MB: variants seen among roughly 807,000 people sequenced by gnomAD.
MB encodes the protein nitrite reductase MB.
In MB, 10 loss-of-function variants were observed where a neutral mutation model predicts 14.5. That is an observed-to-expected ratio of 0.69 (90% CI 0.43 to 1.17). The LOEUF is 1.17. MB is among the 50% of genes most tolerant of loss of function. The probability of loss-of-function intolerance (pLI) is 0.00; values close to 1 mark genes in which losing one functional copy is unlikely to be tolerated. For missense variants in MB, 169 were observed against 192.7 expected, an observed-to-expected ratio of 0.88 and a Z score of 0.73; for synonymous variants, 89 against 78.6, an observed-to-expected ratio of 1.13 and a Z score of -0.70.
chr22:35,618,651 C>T (rs1038057465), upstream of MB, among the ~76,000 whole-genome samples: 1 of 152,008 alleles, frequency 6.6e-6, no homozygotes, highest in Non-Finnish European at 1.5e-5. Context: ...TTCATCTATT[C>T]ATCTATCCAT....
chr22:35,614,097 C>T (rs1906338555), intron 1 of MB, among the ~76,000 whole-genome samples: 1 of 152,190 alleles, frequency 6.6e-6, no homozygotes, highest in African/African-American at 2.4e-5. Context: ...GACAGATCTT[C>T]AGTCCAAGTC....
In MB at chr22:35,613,978, C is replaced by T. The variant is rs954479425; in HGVS notation, c.96-2872G>A. 3.3e-5 allele frequency among the ~76,000 whole-genome samples: 5 copies of T among 152,232 alleles called. No homozygotes were observed. In the East Asian group the frequency reaches 9.6e-4, roughly 29 times the overall value. On this transcript the variant is annotated intron_variant, in intron 1 of 2. Transcript: ENST00000397326. ...GATCCGGAAAATGAACAGATGAAAG[C>T]CCCTCAGCCTGTGGAAATGGACGGA... is the stretch of plus-strand genomic sequence containing the variant.
chr22:35,613,256 G>A (rs1922789096), intron 1 of MB, among the ~76,000 whole-genome samples: 1 of 152,204 alleles, frequency 6.6e-6, no homozygotes, highest in South Asian at 2.1e-4. Flanking sequence ...AGGCAGCTGG[G>A]GGTCTCAGAC....
At chr22:35,615,197 A>G (rs186670197) in intron 1 of MB, among the ~76,000 whole-genome samples, 1 of 152,336 alleles carries the variant, frequency 6.6e-6, no homozygotes, top group East Asian at 1.9e-4. Flanking sequence ...CAGAGTCAGT[A>G]TCTAGAACAA....
At chr22:35,617,112 C>A (rs1367351796) in intron 1 of MB, 51 bp downstream of exon 1, 1 of 1,450,742 alleles carries the variant, frequency 6.9e-7, no homozygotes, top group Non-Finnish European at 9.7e-7. Context: ...AGCTGAACAC[C>A]CTTGATCTTA....
chr22:35,616,422 A>G (rs1923081792), intron 1 of MB, among the ~76,000 whole-genome samples: 1 of 152,216 alleles, frequency 6.6e-6, no homozygotes, highest in African/African-American at 2.4e-5. Context: ...AACTAGAGAC[A>G]TACTCAACAT....
intron 2 of MB, 148 bp from the exon 3 acceptor site, chr22:35,607,591 C>T: frequency 1.5e-6 from 1 of 683,064 alleles, no homozygotes; most frequent in Non-Finnish European, 2.5e-6. Context: ...GTGTGATCTC[C>T]ACGGATGAAC....
chr22:35,621,647 A>C (rs996141945), upstream of MB, among the ~76,000 whole-genome samples: 2 of 152,250 alleles, frequency 1.3e-5, no homozygotes, highest in Admixed American at 6.5e-5. Flanking sequence ...TAAAGCTTTA[A>C]AAATCCTTTT....
At chr22:35,619,995 C>T (rs1415615247), upstream of MB, among the ~76,000 whole-genome samples, 2 of 152,224 alleles carry the variant, frequency 1.3e-5, no homozygotes, top group African/African-American at 4.8e-5. Flanking sequence ...CCTCCAAAGG[C>T]CCATCTCTTT....
At chr22:35,614,154 A>G (rs949364560) in intron 1 of MB, among the ~76,000 whole-genome samples, 4 of 152,224 alleles carry the variant, frequency 2.6e-5, no homozygotes, top group Non-Finnish European at 5.9e-5. Flanking sequence ...ACTGAGGCCC[A>G]ATTGGACACT....
chr22:35,607,242 C>G lies in MB; in HGVS notation c.*55G>C, dbSNP rs899146546. On this transcript the variant is annotated 3_prime_UTR_variant, in exon 3 of 3. Coordinates refer to ENST00000397326, the MANE Select transcript of MB (RefSeq NM_005368.3). Reference sequence around the variant, plus strand: ...TCTATATGGCTACACGAGATCAGACCCCGCTCTCTCTTGAACCCGGGGCCC... The same window carrying G: ...TCTATATGGCTACACGAGATCAGACGCCGCTCTCTCTTGAACCCGGGGCCC... 3.7e-5 allele frequency: 58 copies of G among 1,569,010 alleles called. No individual in the cohort carries two copies. The highest frequency in any genetic ancestry group is 5.0e-5 in the Non-Finnish European group (58 of 1,154,164).
At chr22:35,614,278 C>A (rs1456953535) in intron 1 of MB, among the ~76,000 whole-genome samples, 2 of 152,126 alleles carry the variant, frequency 1.3e-5, no homozygotes, top group Non-Finnish European at 2.9e-5. Flanking sequence ...GGTCATGGGG[C>A]AGTATAGCAT....
At chr22:35,617,137 G>A in intron 1 of MB, 26 bp downstream of exon 1, 1 of 1,567,740 alleles carries the variant, frequency 6.4e-7, no homozygotes, top group South Asian at 1.1e-5. Flanking sequence ...GTGGGTGGCA[G>A]GGGCAATGGA....
At position 35,607,382 on chromosome 22, in the gene MB, T is replaced by C; in HGVS notation, c.380A>G (p.Asp127Gly). 6.2e-7 allele frequency: 1 copy of C among 1,614,178 alleles called. No individual in the cohort carries two copies. The highest frequency in any genetic ancestry group is 8.5e-7 in the Non-Finnish European group (1 of 1,180,002). ...GGCCTTGTTCATGGCCCCCTGGGCA[T>C]CAGCACCAAAGTCCCCGGGATGCTT... is the stretch of plus-strand genomic sequence containing the variant. ...QSKHPGDFGADAQGAMNKALE... is the reference protein window; with the variant it reads ...QSKHPGDFGAGAQGAMNKALE... The change falls in exon 3 of 3, where the codon GAT becomes GGT. Residue 127 changes from aspartate to glycine, a missense_variant. By Grantham distance (94) the Asp-to-Gly change is moderately conservative. Coordinates refer to ENST00000397326, the MANE Select transcript of MB (RefSeq NM_005368.3).
intron 1 of MB, among the ~76,000 whole-genome samples, chr22:35,614,812 G>A (rs1922944258): frequency 6.6e-6 from 1 of 152,086 alleles, no homozygotes; most frequent in Non-Finnish European, 1.5e-5. Context: ...ATTAACCGGT[G>A]GAGACTCTCA....
chr22:35,619,052 C>A (rs919271283), upstream of MB, among the ~76,000 whole-genome samples: 1 of 151,814 alleles, frequency 6.6e-6, no homozygotes, highest in African/African-American at 2.4e-5. Context: ...ATCCTTCTAT[C>A]CATCTGTAAC....
At chr22:35,622,365 A>C (rs938092830) in intron 1 of MB, 1 of 151,990 alleles carries the variant, frequency 6.6e-6, no homozygotes, top group Admixed American at 6.6e-5. Context: ...GAGTTGCAGG[A>C]CCTGCTCAAG....
At chr22:35,611,349 C>T (rs558897370) in intron 1 of MB, among the ~76,000 whole-genome samples, 2 of 152,258 alleles carry the variant, frequency 1.3e-5, no homozygotes, top group Admixed American at 6.5e-5. Flanking sequence ...TAGTGAGTGT[C>T]ATATAATTCC....
upstream of MB, among the ~76,000 whole-genome samples, chr22:35,618,221 C>A (rs920866518): frequency 6.6e-6 from 1 of 152,164 alleles, no homozygotes; most frequent in Admixed American, 6.5e-5. Context: ...TACAACTAGT[C>A]GCTGGCAGAG....
Sources: gnomAD v4.1 joint callset for allele counts (sites outside exome capture counted in the v4.1 genomes callset) on GRCh38, gnomAD v4.1.1 for gene constraint, MANE v1.5 for transcripts, NCBI Gene and HGNC (gene_info 2026-07-23, HGNC 2026-07-21) for gene names.